The following CECR2 variants were observed in gnomAD, a reference collection of about 807,000 sequenced individuals.
CECR2 encodes the protein CECR2 histone acetyl-lysine reader.
Under a neutral mutation model 154.5 loss-of-function variants are expected in CECR2, and 30 were observed. The observed-to-expected ratio is 0.19, with a 90% CI of 0.15 to 0.26. CECR2 has a LOEUF of 0.26. CECR2 is among the 10% of genes least tolerant of loss of function. The pLI, the probability that CECR2 is intolerant of heterozygous loss-of-function variation, is 1.00. For missense variants in CECR2, 1,743 were observed against 1,829.3 expected (o/e 0.95, Z 0.86); for synonymous variants, 725 against 683.7 (o/e 1.06, Z -0.94).
intron 2 of CECR2, among the ~76,000 whole-genome samples, chr22:17,491,873 G>A (rs1360743623): frequency 2.6e-5 from 4 of 152,104 alleles, no homozygotes; most frequent in African/African-American, 7.2e-5. Flanking sequence ...TGCAGATTCT[G>A]CCTTAACCAT....
chr22:17,504,957 C>T lies in CECR2; in HGVS notation c.811C>T (p.Leu271Phe). 4 of 1,613,772 alleles carry T rather than the reference C, an allele frequency of 2.5e-6. No homozygotes were observed. The highest frequency in any genetic ancestry group is 3.4e-6 in the Non-Finnish European group (4 of 1,179,844). The change falls in exon 7 of 19, where the codon CTC (leucine) becomes TTC (phenylalanine). Residue 271 changes from leucine (L) to phenylalanine (F), a missense_variant. By Grantham distance (22) the Leu-to-Phe change is conservative. This residue lies in a region of CECR2 where 292 missense variants were observed against 301.2 expected (regional missense o/e 0.97). Transcript: ENST00000262608. ...GAGGACCTCCCTTCGAGAACGGCAG[C>T]TCTACAAGCTCCTCAGTGAGGACTT... is the stretch of plus-strand genomic sequence containing the variant. ...RERTSLRERQ[L>F]YKLLSEDFLP...
chr22:17,469,263 A>C (rs570815804), intron 1 of CECR2, among the ~76,000 whole-genome samples: 14 of 151,528 alleles, frequency 9.2e-5, no homozygotes, highest in African/African-American at 3.4e-4. Context: ...TGCTGACCTC[A>C]CCTCCCTACA....
At chr22:17,391,394 G>GC (rs1298504658) in intron 1 of CECR2, among the ~76,000 whole-genome samples, 2 of 152,200 alleles carry the variant, frequency 1.3e-5, no homozygotes, top group Non-Finnish European at 2.9e-5. Flanking sequence ...AAGCTGCAGG[G>GC]CTACTAGTGA....
intron 1 of CECR2, among the ~76,000 whole-genome samples, chr22:17,360,867 C>A (rs201348164): frequency 1.6e-5 from 2 of 124,154 alleles, no homozygotes; most frequent in Non-Finnish European, 3.4e-5. Flanking sequence ...AACAAACAAA[C>A]AAAAAACCCA....
In CECR2 at chr22:17,413,464, C is replaced by G. The variant is rs139985078; in HGVS notation, c.126+43555C>G. ...AGCTCACTATTCTGCAGCTGCCTGGCTTGTGGACTCCATTAACATTGTTCA... is the reference window on the plus strand; with the variant it reads ...AGCTCACTATTCTGCAGCTGCCTGGGTTGTGGACTCCATTAACATTGTTCA... On this transcript the variant is annotated intron_variant, in intron 1 of 18. Transcript: ENST00000262608. Among the ~76,000 whole-genome samples the G allele has an allele frequency of 2.9e-3, 447 of 152,226 alleles. 2 individuals carry two copies. The highest frequency in any genetic ancestry group is 0.01 in the African/African-American group (425 of 41,544).
intron 1 of CECR2, among the ~76,000 whole-genome samples, chr22:17,450,428 G>A (rs1393830297): frequency 1.3e-5 from 2 of 152,102 alleles, no homozygotes; most frequent in Non-Finnish European, 2.9e-5. Flanking sequence ...ATGCCACCAT[G>A]CCCGGCTAAT....
intron 1 of CECR2, among the ~76,000 whole-genome samples, chr22:17,384,176 A>C (rs1221802131): frequency 2.6e-5 from 4 of 152,190 alleles, no homozygotes; most frequent in African/African-American, 7.2e-5. Flanking sequence ...CCTTTCTGAG[A>C]GGTTCTAAAT....
rs117791365 is a variant in CECR2 at position 17,536,323 on chromosome 22, T to C, written c.1109-780T>C. Among the ~76,000 whole-genome samples the C allele has an allele frequency of 5.2e-3, 799 of 152,346 alleles. 12 individuals carry two copies. The highest frequency in any genetic ancestry group is 0.039 in the Admixed American group (596 of 15,304). ...CCTCCCTTCCATCTTTGTGCCTTGC[T>C]GTCTGGCAGTCTCATTTTTCTCCTT... On this transcript the variant is annotated intron_variant, in intron 9 of 18. Transcript: ENST00000262608.
At chr22:17,523,481 G>A (rs951578343) in intron 8 of CECR2, among the ~76,000 whole-genome samples, 4 of 151,864 alleles carry the variant, frequency 2.6e-5, no homozygotes, top group African/African-American at 7.3e-5. Context: ...TATCGGCTGG[G>A]CACGGTGGCT....
intron 2 of CECR2, among the ~76,000 whole-genome samples, chr22:17,485,815 ATAGT>A (rs1234647803): frequency 6.6e-6 from 1 of 152,228 alleles, no homozygotes; most frequent in Non-Finnish European, 1.5e-5. Flanking sequence ...AATTTTTGAT[ATAGT>A]TAGTGTTGTA....
chr22:17,539,305 A>G (rs1345861811), intron 13 of CECR2, among the ~76,000 whole-genome samples, 186 bp downstream of exon 13: 2 of 152,220 alleles, frequency 1.3e-5, no homozygotes, highest in African/African-American at 2.4e-5. Context: ...CCTGCCCCAC[A>G]GGACAATAGA....
chr22:17,399,765 C>A (rs58988809), intron 1 of CECR2, among the ~76,000 whole-genome samples: 68 of 152,176 alleles, frequency 4.5e-4, no homozygotes, highest in African/African-American at 1.6e-3. Context: ...TGCGACTATA[C>A]CATGAGTGTA....
At chr22:17,415,714 G>A (rs1457828779) in intron 1 of CECR2, among the ~76,000 whole-genome samples, 5 of 152,298 alleles carry the variant, frequency 3.3e-5, no homozygotes, top group African/African-American at 7.2e-5. Flanking sequence ...GGCTATCTTC[G>A]TGAAATGGAA....
rs370892204 is a variant in CECR2 at position 17,548,393 on chromosome 22, G to A, written c.3106G>A (p.Ala1036Thr). The A allele has an allele frequency of 3.6e-5, 58 of 1,613,558 alleles. No homozygotes were observed. The highest frequency in any genetic ancestry group is 1.2e-4 in the African/African-American group (9 of 74,918). ...PSDSSYPGPAAQGCVRDLSTV... is the reference protein window; with the variant it reads ...PSDSSYPGPATQGCVRDLSTV... ...GGATAGCAGCTACCCCGGCCCAGCC[G>A]CCCAAGGGTGCGTGAGAGACCTCTC... Residue 1036 changes from alanine to threonine, a missense_variant, in exon 17 of 19, where the codon GCC (alanine) becomes ACC (threonine). By Grantham distance (58) the Ala-to-Thr change is moderately conservative (BLOSUM62 0). Around this residue, in one of 4 missense-constraint regions of CECR2, gnomAD observed 1,250 missense variants for 1,192.1 expected, o/e 1.05. Transcript: ENST00000262608.
chr22:17,367,443 T>C (rs2063008110), upstream of CECR2, among the ~76,000 whole-genome samples: 1 of 152,052 alleles, frequency 6.6e-6, no homozygotes, highest in South Asian at 2.1e-4. Context: ...TGGAGTGCAA[T>C]GGCGAGATCT....
At chr22:17,496,775 G>A (rs140154016) in intron 2 of CECR2, among the ~76,000 whole-genome samples, 102 of 152,248 alleles carry the variant, frequency 6.7e-4, no homozygotes, top group African/African-American at 2.3e-3. Context: ...TACGCGTAGC[G>A]GGTGAGACTT....
At position 17,549,416 on chromosome 22, in the gene CECR2, G is replaced by C. The variant is rs760099100; in HGVS notation, c.4129G>C (p.Ala1377Pro). 2 of 1,613,566 alleles carry C rather than the reference G, an allele frequency of 1.2e-6. No homozygotes were observed. ...TGCCCTCCCACCTCACCACCCAGGG[G>C]CCACCCAGCCCAACGGCCTCTCTCA... ...VAALPPHHPG[A>P]TQPNGLSQEG... Residue 1377 changes from alanine (A) to proline (P), a missense_variant, in exon 17 of 19, where the codon GCC (alanine) becomes CCC (proline). This residue lies in a region of CECR2 where 1,250 missense variants were observed against 1,192.1 expected (regional missense o/e 1.05). Coordinates refer to ENST00000262608, the MANE Select transcript of CECR2 (RefSeq NM_001290047.2).
chr22:17,523,863 C>G (rs1483129593), intron 8 of CECR2, among the ~76,000 whole-genome samples: 1 of 151,854 alleles, frequency 6.6e-6, no homozygotes, highest in East Asian at 1.9e-4. Flanking sequence ...AGTAAATTAT[C>G]CATAAGATTG....
chr22:17,454,376 G>A (rs1057083175), intron 1 of CECR2, among the ~76,000 whole-genome samples: 3 of 151,468 alleles, frequency 2.0e-5, no homozygotes, highest in African/African-American at 4.9e-5. Flanking sequence ...AGGCTGAGGC[G>A]GGTGGATCCA....
Sources: allele counts gnomAD v4.1 joint callset (sites outside exome capture counted in the v4.1 genomes callset), GRCh38; gene constraint gnomAD v4.1.1; regional missense constraint gnomAD v4.1.1; transcripts MANE v1.5; gene names NCBI Gene and HGNC (gene_info 2026-07-23, HGNC 2026-07-21).